Variants in TENM3 observed in about 807,000 individuals in gnomAD.
The protein encoded by TENM3 is teneurin transmembrane protein 3, also known as teneurin-3.
In TENM3, 63 loss-of-function variants were observed where a neutral mutation model predicts 255.1. The observed-to-expected ratio is 0.25, with a 90% confidence interval of 0.20 to 0.30. The LOEUF is 0.30. Ranked by LOEUF, TENM3 falls within the 10% of genes least tolerant of loss-of-function variation. The pLI, the probability that TENM3 is intolerant of heterozygous loss-of-function variation, is 1.00. For missense variants in TENM3, 2,929 were observed against 3,461.1 expected (o/e 0.85, Z 3.86); for synonymous variants, 1,306 against 1,322.3 (o/e 0.99, Z 0.27).
chr4:182,133,750 C>A, the TENM3 span, among the ~76,000 whole-genome samples: 3 of 152,136 alleles, frequency 2.0e-5, no homozygotes, highest in African/African-American at 7.2e-5. Flanking sequence ...ATTTTGATTT[C>A]TTTCTTAAAT....
chr4:182,357,025 T>C (rs1396398398), intron 3 of TENM3, among the ~76,000 whole-genome samples: 1 of 152,166 alleles, frequency 6.6e-6, no homozygotes, highest in Non-Finnish European at 1.5e-5. Context: ...ATTTCATCCA[T>C]GTCCCTACAA....
chr4:181,925,200 A>G, the TENM3 span, among the ~76,000 whole-genome samples: 2 of 152,194 alleles, frequency 1.3e-5, no homozygotes, highest in East Asian at 3.9e-4. Flanking sequence ...GTGTTTTTAC[A>G]TGATAATGGC....
At chr4:181,591,322 A>G in the TENM3 span, among the ~76,000 whole-genome samples, 1,902 of 152,212 alleles carry the variant, frequency 0.012, 26 homozygotes, top group Middle Eastern at 0.061. Context: ...TTGGAAGTTT[A>G]TTAAAAATTG....
At chr4:182,109,700 T>C in the TENM3 span, among the ~76,000 whole-genome samples, 1 of 152,330 alleles carries the variant, frequency 6.6e-6, no homozygotes, top group Non-Finnish European at 1.5e-5. Flanking sequence ...GAATTTCACT[T>C]TCTCCCATTG....
At chr4:182,497,847 C>CATACATATATAT (rs1253478006) in intron 3 of TENM3, among the ~76,000 whole-genome samples, 1 of 135,640 alleles carries the variant, frequency 7.4e-6, no homozygotes, top group African/African-American at 3.3e-5. Context: ...ACTAAAAATA[C>CATACATATATAT]ATATATATAT....
the TENM3 span, among the ~76,000 whole-genome samples, chr4:181,612,998 A>G: frequency 2.6e-5 from 4 of 152,330 alleles, no homozygotes; most frequent in South Asian, 2.1e-4. Flanking sequence ...GTTTCTCTAC[A>G]TGGCAACTTT....
At chr4:182,177,529 A>T (rs941795628) in intron 1 of TENM3, among the ~76,000 whole-genome samples, 9 of 151,962 alleles carry the variant, frequency 5.9e-5, no homozygotes, top group African/African-American at 2.2e-4. Context: ...CAAATTAGGC[A>T]ATTACAAATG....
intron 1 of TENM3, among the ~76,000 whole-genome samples, chr4:182,206,010 C>CA (rs1403391208): frequency 6.6e-5 from 10 of 151,232 alleles, no homozygotes; most frequent in African/African-American, 2.4e-4. Context: ...GAAAGCAACT[C>CA]ACTAATTTAC....
chr4:182,487,394 A>T (rs1334504782), intron 3 of TENM3, among the ~76,000 whole-genome samples: 4 of 152,200 alleles, frequency 2.6e-5, no homozygotes, highest in Non-Finnish European at 5.9e-5. Context: ...GGTTGTGTAG[A>T]TTACAAATTA....
At chr4:181,835,017 G>A in the TENM3 span, 1 of 152,188 alleles carries the variant, frequency 6.6e-6, no homozygotes. Context: ...AGTGTGGAGG[G>A]GAAGGGGGCA....
intron 3 of TENM3, among the ~76,000 whole-genome samples, chr4:182,521,172 T>C (rs1306789379): frequency 6.6e-6 from 1 of 152,200 alleles, no homozygotes; most frequent in Non-Finnish European, 1.5e-5. Flanking sequence ...TGAAAGGAAG[T>C]ATCATGCACT....
chr4:181,639,492 C>A, the TENM3 span, among the ~76,000 whole-genome samples: 1 of 152,234 alleles, frequency 6.6e-6, no homozygotes, highest in African/African-American at 2.4e-5. Context: ...GTAATCCCAG[C>A]ACTTTGGGAG....
At chr4:182,323,743 C>T (rs1467813429) in intron 1 of TENM3, among the ~76,000 whole-genome samples, 1 of 152,096 alleles carries the variant, frequency 6.6e-6, no homozygotes, top group Non-Finnish European at 1.5e-5. Context: ...ACTCATAGCA[C>T]TCACCAGCAG....
At chr4:182,234,465 G>T (rs1245250316) in intron 1 of TENM3, among the ~76,000 whole-genome samples, 6 of 152,216 alleles carry the variant, frequency 3.9e-5, no homozygotes, top group African/African-American at 1.2e-4. Context: ...CTGTGCAGTG[G>T]CTCACGCCTG....
chr4:182,075,551 C>T, the TENM3 span, among the ~76,000 whole-genome samples: 2 of 152,164 alleles, frequency 1.3e-5, no homozygotes, highest in Admixed American at 1.3e-4. Flanking sequence ...CAAGACCTGT[C>T]TGTAGGCTAA....
chr4:181,547,019 G>A, the TENM3 span, among the ~76,000 whole-genome samples: 1 of 152,098 alleles, frequency 6.6e-6, no homozygotes, highest in African/African-American at 2.4e-5. Flanking sequence ...CCCTGCCCAT[G>A]TGCACAAATG....
the TENM3 span, among the ~76,000 whole-genome samples, chr4:182,101,529 A>G: frequency 6.6e-6 from 1 of 152,142 alleles, no homozygotes; most frequent in East Asian, 1.9e-4. Flanking sequence ...TCAGGACTGC[A>G]TGACTTCACT....
At chr4:182,461,071 A>G (rs62337166) in intron 3 of TENM3, among the ~76,000 whole-genome samples, 10,723 of 152,270 alleles carry the variant, frequency 0.07, 517 homozygotes, top group African/African-American at 0.13. Flanking sequence ...ATCAACAGCT[A>G]CTGACTCTAA....
intron 5 of TENM3, among the ~76,000 whole-genome samples, chr4:182,649,707 A>C (rs1301866390): frequency 6.6e-6 from 1 of 150,470 alleles, no homozygotes; most frequent in Non-Finnish European, 1.5e-5. Flanking sequence ...AGTTTTAGAC[A>C]GAATAGTGGG....
Sources: gnomAD v4.1 joint callset for allele counts (sites outside exome capture counted in the v4.1 genomes callset) on GRCh38, gnomAD v4.1.1 for gene constraint, MANE v1.5 for transcripts, NCBI Gene and HGNC (gene_info 2026-07-23, HGNC 2026-07-21) for gene names.